Variants in TMEM131 observed in about 807,000 individuals in gnomAD.
TMEM131 encodes the protein 2610524E03Rik.
TMEM131 carries 66 observed loss-of-function variants against 211.6 expected under a neutral mutation model. The observed-to-expected ratio is 0.31, with a 90% confidence interval of 0.26 to 0.38. The LOEUF (loss-of-function observed/expected upper bound fraction) is 0.38. Among genes scored for constraint, TMEM131 ranks in the 10% least tolerant of loss-of-function variants. The probability of loss-of-function intolerance (pLI) is 1.00; values close to 1 mark genes in which losing one functional copy is unlikely to be tolerated. For synonymous variants in TMEM131, 844 were observed against 841.3 expected, an observed-to-expected ratio of 1.00 and a Z score of -0.06; for missense variants, 2,036 against 2,299.3, an observed-to-expected ratio of 0.89 and a Z score of 2.34.
chr2:97,967,159 T>C (rs1679097020), intron 1 of TMEM131, among the ~76,000 whole-genome samples: 1 of 152,208 alleles, frequency 6.6e-6, no homozygotes, highest in Admixed American at 6.5e-5. Context: ...CCATTAGAAC[T>C]GTCCTCTCTA....
rs568544314 is a variant in TMEM131, at chr2:97,832,612, A to T, written c.1074+753T>A. Among the ~76,000 whole-genome samples, 10 of 152,310 alleles carry T rather than the reference A, an allele frequency of 6.6e-5. 1 individual carries two copies. In the South Asian group the frequency reaches 2.1e-3, roughly 32 times the overall value. ...CTTAAATCTCAAGCCCACATGATCT[A>T]TATTTCATTTTGTCAGTTCACTGAA... On this transcript the variant is annotated intron_variant, in intron 11 of 40. Transcript: ENST00000186436.
chr2:97,926,570 G>A (rs1324961350), intron 2 of TMEM131, among the ~76,000 whole-genome samples: 1 of 152,090 alleles, frequency 6.6e-6, no homozygotes, highest in Non-Finnish European at 1.5e-5. Flanking sequence ...TGTGGCTTAA[G>A]TAACCAATTG....
At chr2:97,838,426 C>CTTTTTTT (rs753635047) in intron 7 of TMEM131, among the ~76,000 whole-genome samples, 4 of 89,084 alleles carry the variant, frequency 4.5e-5, no homozygotes, top group African/African-American at 8.5e-5. Flanking sequence ...TAAGCTTAAA[C>CTTTTTTT]TTTTTTTTTT....
chr2:97,799,266 G>C (rs888680563), intron 25 of TMEM131, among the ~76,000 whole-genome samples: 28 of 149,452 alleles, frequency 1.9e-4, no homozygotes, highest in Admixed American at 4.0e-4. Context: ...TCATTCATTT[G>C]TATTTAAAAA....
chr2:97,850,019 T>C (rs1321445100), intron 5 of TMEM131, among the ~76,000 whole-genome samples: 1 of 151,990 alleles, frequency 6.6e-6, no homozygotes, highest in African/African-American at 2.4e-5. Flanking sequence ...GGTCACCCTT[T>C]TATCACCTTC....
intron 7 of TMEM131, among the ~76,000 whole-genome samples, chr2:97,837,758 A>G (rs1683001091): frequency 6.6e-6 from 1 of 152,240 alleles, no homozygotes; most frequent in African/African-American, 2.4e-5. Context: ...ATACATATTT[A>G]AAGTATACAA....
At chr2:97,900,393 T>G (rs1191495356) in intron 3 of TMEM131, among the ~76,000 whole-genome samples, 1 of 152,022 alleles carries the variant, frequency 6.6e-6, no homozygotes, top group Non-Finnish European at 1.5e-5. Context: ...TGCTTCTATA[T>G]TCTCCATTTA....
At chr2:97,827,641 T>A in intron 11 of TMEM131, 1 of 936,138 alleles carries the variant, frequency 1.1e-6, no homozygotes, top group Non-Finnish European at 1.7e-6. Flanking sequence ...TAAATGCAAG[T>A]TTTTTAGTAG....
rs117476806 is a variant in TMEM131 at position 97,869,870 on chromosome 2, G to C, written c.360-10443C>G. On this transcript the variant is annotated intron_variant, in intron 4 of 40. Coordinates refer to ENST00000186436, the MANE Select transcript of TMEM131 (RefSeq NM_015348.2). Reference sequence around the variant, plus strand: ...TGCCCGTTCATTATCTTACAATTCTGTAAGAATGCCTGGTTTATCTGCTCG... The same window carrying C: ...TGCCCGTTCATTATCTTACAATTCTCTAAGAATGCCTGGTTTATCTGCTCG... Among the ~76,000 whole-genome samples the C allele has an allele frequency of 3.2e-3, 490 of 152,270 alleles. 7 individuals are homozygous for C. In the East Asian group the frequency reaches 0.041, roughly 13 times the overall value.
chr2:97,995,276 G>T (rs1340341131), intron 1 of TMEM131, among the ~76,000 whole-genome samples, 200 bp downstream of exon 1: 1 of 152,238 alleles, frequency 6.6e-6, no homozygotes, highest in Non-Finnish European at 1.5e-5. Context: ...GGAGACGGGG[G>T]AAGGCACGGG....
intron 11 of TMEM131, among the ~76,000 whole-genome samples, chr2:97,831,789 C>T (rs1682703211): frequency 6.8e-6 from 1 of 147,402 alleles, no homozygotes; most frequent in African/African-American, 2.5e-5. Context: ...CCTGCTTCAG[C>T]TTGAGTAGCT....
intron 4 of TMEM131, among the ~76,000 whole-genome samples, chr2:97,870,686 T>C (rs1429866840): frequency 3.9e-5 from 6 of 152,198 alleles, no homozygotes; most frequent in Non-Finnish European, 8.8e-5. Context: ...AGGAAACAGC[T>C]GAAGAAATGG....
At chr2:97,976,809 AG>A (rs1276285777) in intron 1 of TMEM131, among the ~76,000 whole-genome samples, 1 of 152,202 alleles carries the variant, frequency 6.6e-6, no homozygotes, top group East Asian at 1.9e-4. Flanking sequence ...ATAGATTAAC[AG>A]AACAAAAGAG....
chr2:97,790,316 G>GA (rs1169259369), intron 31 of TMEM131, among the ~76,000 whole-genome samples: 5 of 151,882 alleles, frequency 3.3e-5, no homozygotes, highest in Non-Finnish European at 7.4e-5. Context: ...CATTGAAGAA[G>GA]AAAAAAAATA....
At chr2:97,833,344 A>G in intron 11 of TMEM131, 21 bp downstream of exon 11, 2 of 1,090,234 alleles carry the variant, frequency 1.8e-6, no homozygotes, top group East Asian at 2.6e-5. Flanking sequence ...AAATTAGGGG[A>G]AAAAAGAAGT....
At chr2:97,887,025 C>T (rs370335935) in intron 4 of TMEM131, among the ~76,000 whole-genome samples, 1 of 152,192 alleles carries the variant, frequency 6.6e-6, no homozygotes, top group African/African-American at 2.4e-5. Context: ...AGTCTCATGG[C>T]TTCTCAGATG....
chr2:97,919,664 G>A (rs779464906), intron 2 of TMEM131, among the ~76,000 whole-genome samples: 1 of 152,044 alleles, frequency 6.6e-6, no homozygotes, highest in Non-Finnish European at 1.5e-5. Context: ...TCCGTCTCCC[G>A]GGTTCAAGCG....
At chr2:97,798,325 G>A (rs952454471) in intron 25 of TMEM131, among the ~76,000 whole-genome samples, 2 of 152,196 alleles carry the variant, frequency 1.3e-5, no homozygotes, top group Admixed American at 6.5e-5. Flanking sequence ...TGAGGGAAGG[G>A]TTGTCAACGC....
In TMEM131 at chr2:97,815,183, T is replaced by G; in HGVS notation, c.1292+16A>C. The stretch of plus-strand genomic sequence containing the variant: ...TTAGTAAAAAGTAATAGAATTTATT[T>G]TAAAAAGAAACTCACCCATCTAAAA... On this transcript the variant is annotated intron_variant, in intron 13 of 40. Coordinates refer to ENST00000186436, the MANE Select transcript of TMEM131 (RefSeq NM_015348.2). 1 of 1,399,346 alleles carries G rather than the reference T, an allele frequency of 7.1e-7. No individual in the cohort carries two copies. The highest frequency in any genetic ancestry group is 9.6e-7 in the Non-Finnish European group (1 of 1,038,140). 86.7% of individuals were successfully genotyped at this position (1,399,346 alleles called of 1,614,324 possible).
Sources: gnomAD v4.1 joint callset for allele counts (sites outside exome capture counted in the v4.1 genomes callset) on GRCh38, gnomAD v4.1.1 for gene constraint, MANE v1.5 for transcripts, NCBI Gene and HGNC (gene_info 2026-07-23, HGNC 2026-07-21) for gene names.